MICU1: variants seen among roughly 807,000 people sequenced by gnomAD.
MICU1 encodes calcium uptake protein 1, mitochondrial.
In MICU1, 45 loss-of-function variants were observed where a neutral mutation model predicts 56.8. That is an observed-to-expected ratio of 0.79 (90% confidence interval 0.62 to 1.02). The LOEUF is 1.02. Among genes scored for constraint, MICU1 ranks in the 50% least tolerant of loss-of-function variants. The pLI is 0.00. For synonymous variants in MICU1, 186 were observed against 195.1 expected, an observed-to-expected ratio of 0.95 and a Z score of 0.39; for missense variants, 504 against 587.1, an observed-to-expected ratio of 0.86 and a Z score of 1.46.
chr10:72,539,820 A>C (rs1409108976), intron 4 of MICU1, among the ~76,000 whole-genome samples: 1 of 152,188 alleles, frequency 6.6e-6, no homozygotes, highest in Non-Finnish European at 1.5e-5. Context: ...GATAATACCA[A>C]GTGTTGGCAG....
chr10:72,502,326 TG>T (rs1867105072), intron 6 of MICU1, among the ~76,000 whole-genome samples: 1 of 152,094 alleles, frequency 6.6e-6, no homozygotes, highest in South Asian at 2.1e-4. Context: ...GGCTAATTTT[TG>T]TATTTTTTAG....
At chr10:72,529,355 A>C (rs1379774039) in intron 5 of MICU1, among the ~76,000 whole-genome samples, 1 of 152,174 alleles carries the variant, frequency 6.6e-6, no homozygotes, top group African/African-American at 2.4e-5. Flanking sequence ...CTATTCTCTA[A>C]AAAAGAAATA....
intron 10 of MICU1, among the ~76,000 whole-genome samples, chr10:72,376,724 A>C (rs577122119): frequency 9.2e-5 from 14 of 152,266 alleles, no homozygotes; most frequent in South Asian, 8.3e-4. Flanking sequence ...ATGGGGAGTT[A>C]CTGCTTTATG....
At chr10:72,506,939 T>C (rs369341546) in intron 6 of MICU1, among the ~76,000 whole-genome samples, 127 of 152,270 alleles carry the variant, frequency 8.3e-4, no homozygotes, top group African/African-American at 2.8e-3. Flanking sequence ...CACTTTGGTG[T>C]CCCAAAGTCA....
chr10:72,600,663 A>AAG (rs1554895620), intron 1 of MICU1, among the ~76,000 whole-genome samples: 1 of 151,724 alleles, frequency 6.6e-6, no homozygotes, highest in Non-Finnish European at 1.5e-5. Flanking sequence ...AAAAAAAAAA[A>AAG]AAAGAAAAAG....
At chr10:72,386,275 G>C (rs961091029) in intron 10 of MICU1, among the ~76,000 whole-genome samples, 2 of 152,014 alleles carry the variant, frequency 1.3e-5, no homozygotes, top group Admixed American at 1.3e-4. Context: ...TCTGCCTCCC[G>C]GGTTCAAACA....
intron 5 of MICU1, chr10:72,509,286 C>T: frequency 1.2e-6 from 1 of 849,442 alleles, no homozygotes; most frequent in South Asian, 1.4e-5. Flanking sequence ...GTCATGCAAG[C>T]ATAAAGTAAG....
At chr10:72,483,189 G>A (rs1388563762) in intron 6 of MICU1, 1 of 152,272 alleles carries the variant, frequency 6.6e-6, no homozygotes, top group East Asian at 1.9e-4. Flanking sequence ...AACAGAAAAA[G>A]GGCAATCATC....
In MICU1 at chr10:72,368,084, G is replaced by A. The variant is rs898590634; in HGVS notation, c.*111C>T. On this transcript the variant is annotated 3_prime_UTR_variant, in exon 12 of 12. Transcript: ENST00000361114. ...ACCGACAGAGTCCTGAGGTCATCCC[G>A]GGAGGAAGGGGGACTACTTCCAGAA... The A allele has an allele frequency of 2.6e-4, 307 of 1,175,412 alleles. No individual in the cohort carries two copies. Among genetic ancestry groups the A allele is most frequent in the Middle Eastern group, 8.7e-4 (3 of 3,440 alleles). The allele number at this position is 1,175,412 out of a possible 1,614,324, so 72.8% of individuals were successfully genotyped here.
intron 4 of MICU1, among the ~76,000 whole-genome samples, chr10:72,544,352 G>A (rs922873007): frequency 2.0e-5 from 3 of 152,038 alleles, no homozygotes; most frequent in African/African-American, 7.2e-5. Flanking sequence ...TTTTGTCTGC[G>A]GCCTGTCCTG....
At chr10:72,554,518 C>T (rs529434208) in intron 3 of MICU1, among the ~76,000 whole-genome samples, 27 of 152,222 alleles carry the variant, frequency 1.8e-4, no homozygotes, top group Non-Finnish European at 3.4e-4. Context: ...ACTTTATGGG[C>T]TAAATGGCCT....
intron 8 of MICU1, among the ~76,000 whole-genome samples, chr10:72,447,584 T>A (rs1301435583): frequency 1.3e-5 from 2 of 152,134 alleles, no homozygotes; most frequent in Non-Finnish European, 2.9e-5. Flanking sequence ...GAGGCAATGC[T>A]GTTAAAAATA....
At chr10:72,446,545 T>C (rs531494113) in intron 8 of MICU1, among the ~76,000 whole-genome samples, 49 of 152,154 alleles carry the variant, frequency 3.2e-4, no homozygotes, top group Non-Finnish European at 6.2e-4. Flanking sequence ...GCTAGGCTGC[T>C]CTCGAACTCC....
Position 72,515,783 on chromosome 10 carries a change from T to C in MICU1, c.538-7514A>G, listed in dbSNP as rs187537772. On this transcript the variant is annotated intron_variant, in intron 5 of 11. Transcript: ENST00000361114. ...TGAAAAGCAAAAATCTAATGTATAA[T>C]AGACGTCTTTATCAAGATATGGAAC... Among the ~76,000 whole-genome samples, 15 of 152,336 alleles carry C rather than the reference T, an allele frequency of 9.8e-5. No homozygotes were observed. The East Asian group carries it at 2.3e-3, about 23-fold the overall frequency.
At chr10:72,619,278 A>G (rs1377292447) in intron 1 of MICU1, among the ~76,000 whole-genome samples, 1 of 151,828 alleles carries the variant, frequency 6.6e-6, no homozygotes, top group African/African-American at 2.4e-5. Context: ...CCCTGTCTCT[A>G]CTAAAAATAC....
At chr10:72,394,239 C>T (rs1235385524) in intron 10 of MICU1, among the ~76,000 whole-genome samples, 1 of 152,112 alleles carries the variant, frequency 6.6e-6, no homozygotes, top group East Asian at 1.9e-4. Flanking sequence ...TCTGCAAAGA[C>T]CCTGTGTCCA....
intron 1 of MICU1, among the ~76,000 whole-genome samples, chr10:72,623,692 T>A (rs1842165004): frequency 6.6e-6 from 1 of 151,966 alleles, no homozygotes; most frequent in Admixed American, 6.6e-5. Flanking sequence ...AATACAAAAA[T>A]TAGCCAGATG....
chr10:72,375,169 G>C (rs1862476974), intron 11 of MICU1, among the ~76,000 whole-genome samples: 1 of 152,152 alleles, frequency 6.6e-6, no homozygotes, highest in Non-Finnish European at 1.5e-5. Flanking sequence ...ACCTAGGTCA[G>C]AAGATTAAAT....
intron 1 of MICU1, among the ~76,000 whole-genome samples, chr10:72,602,012 C>A (rs1350380197): frequency 1.3e-5 from 2 of 150,342 alleles, no homozygotes; most frequent in Non-Finnish European, 3.0e-5. Flanking sequence ...ATTGGCCAGG[C>A]TGGTCTCGAA....
Sources: gnomAD v4.1 joint callset for allele counts (sites outside exome capture counted in the v4.1 genomes callset) on GRCh38, gnomAD v4.1.1 for gene constraint, MANE v1.5 for transcripts, NCBI Gene and HGNC (gene_info 2026-07-23, HGNC 2026-07-21) for gene names.